The following KCNC2 variants were observed in gnomAD, a reference collection of about 807,000 sequenced individuals.
KCNC2 encodes the protein potassium voltage-gated channel subfamily C member 2.
KCNC2 carries 21 observed loss-of-function variants against 44.5 expected under a neutral mutation model. That is an observed-to-expected ratio of 0.47 (90% CI 0.33 to 0.68). KCNC2 has a LOEUF of 0.68. Ranked by LOEUF, KCNC2 falls within the 30% of genes least tolerant of loss-of-function variation. The probability of loss-of-function intolerance (pLI) is 0.01; values close to 1 mark genes in which losing one functional copy is unlikely to be tolerated. For synonymous variants in KCNC2, 391 were observed against 339.1 expected, an observed-to-expected ratio of 1.15 and a Z score of -1.68; for missense variants, 589 against 826.2, an observed-to-expected ratio of 0.71 and a Z score of 3.52.
chr12:75,105,504 C>G (rs190624138), intron 2 of KCNC2, among the ~76,000 whole-genome samples: 96 of 152,056 alleles, frequency 6.3e-4, no homozygotes, highest in African/African-American at 2.2e-3. Flanking sequence ...ATTAAGAGGA[C>G]AAAGGTGAAG....
In KCNC2 at chr12:75,046,481, G is replaced by A. The variant is rs147196810; in HGVS notation, c.1780+1672C>T. Among the ~76,000 whole-genome samples, 1,277 of 151,746 alleles carry A rather than the reference G, an allele frequency of 8.4e-3. 19 individuals are homozygous for A. The highest frequency in any genetic ancestry group is 0.029 in the African/African-American group (1,211 of 41,482). Reference sequence around the variant, plus strand: ...CATAATCTTAGTATAAATATTACATGTGATAATCTTATTGAATGCTGCTTA... The same window carrying A: ...CATAATCTTAGTATAAATATTACATATGATAATCTTATTGAATGCTGCTTA... On this transcript the variant is annotated intron_variant, in intron 4 of 4. Transcript: ENST00000549446.
chr12:75,208,362 C>G (rs946431845), intron 1 of KCNC2, among the ~76,000 whole-genome samples: 1 of 151,840 alleles, frequency 6.6e-6, no homozygotes, highest in Admixed American at 6.6e-5. Context: ...CTCCCAGCCC[C>G]TAACCCCCTC....
At chr12:75,089,476 G>A (rs1592846746) in intron 2 of KCNC2, among the ~76,000 whole-genome samples, 1 of 151,606 alleles carries the variant, frequency 6.6e-6, no homozygotes, top group Admixed American at 6.6e-5. Context: ...AGTGAAACCG[G>A]TTAAATAAAA....
intron 2 of KCNC2, among the ~76,000 whole-genome samples, chr12:75,059,419 T>A (rs1384955022): frequency 6.6e-6 from 1 of 152,104 alleles, no homozygotes; most frequent in Non-Finnish European, 1.5e-5. Flanking sequence ...AGAGGCTACA[T>A]GACATGTGGT....
intron 2 of KCNC2, among the ~76,000 whole-genome samples, chr12:75,107,676 G>A (rs1017288719): frequency 4.6e-5 from 7 of 150,636 alleles, no homozygotes; most frequent in African/African-American, 1.5e-4. Context: ...GAGTTTAAAC[G>A]TCAAAAGAGT....
At chr12:75,060,259 T>A (rs1882175709) in intron 2 of KCNC2, among the ~76,000 whole-genome samples, 1 of 152,038 alleles carries the variant, frequency 6.6e-6, no homozygotes, top group Admixed American at 6.6e-5. Context: ...CTGTGGACTC[T>A]CAGACTCTAA....
chr12:75,165,724 G>A (rs12321175), intron 2 of KCNC2, among the ~76,000 whole-genome samples: 3,785 of 151,480 alleles, frequency 0.025, 173 homozygotes, highest in African/African-American at 0.085. Context: ...AGATTATTCA[G>A]TTAAGCCTAT....
intron 2 of KCNC2, among the ~76,000 whole-genome samples, chr12:75,106,731 G>A (rs1208852777): frequency 6.6e-6 from 1 of 152,106 alleles, no homozygotes; most frequent in Non-Finnish European, 1.5e-5. Flanking sequence ...CAAGCATAAA[G>A]CCAGGGCTAT....
At chr12:75,173,298 G>C (rs1891956689) in intron 2 of KCNC2, among the ~76,000 whole-genome samples, 1 of 151,842 alleles carries the variant, frequency 6.6e-6, no homozygotes, top group Non-Finnish European at 1.5e-5. Context: ...TTCTATGTCT[G>C]ATATAGAGAT....
intron 2 of KCNC2, among the ~76,000 whole-genome samples, chr12:75,193,998 T>C (rs1412724951): frequency 6.6e-6 from 1 of 152,070 alleles, no homozygotes; most frequent in East Asian, 1.9e-4. Flanking sequence ...TCAGAAAGAT[T>C]CACAAAGACA....
At chr12:75,175,717 G>A (rs1892139030) in intron 2 of KCNC2, among the ~76,000 whole-genome samples, 1 of 152,046 alleles carries the variant, frequency 6.6e-6, no homozygotes, top group Admixed American at 6.6e-5. Flanking sequence ...AACACATGTA[G>A]TAAAAGCAGG....
chr12:75,061,375 A>G (rs1477424490), intron 2 of KCNC2, among the ~76,000 whole-genome samples: 1 of 152,080 alleles, frequency 6.6e-6, no homozygotes, highest in African/African-American at 2.4e-5. Flanking sequence ...ATGTAAAGGA[A>G]AGAGGATGCT....
chr12:75,134,192 C>T (rs1889061094), intron 2 of KCNC2, among the ~76,000 whole-genome samples: 1 of 151,520 alleles, frequency 6.6e-6, no homozygotes, highest in Admixed American at 6.6e-5. Context: ...ATATGTATAG[C>T]TAAAATTAGA....
At chr12:75,088,669 GC>G (rs926550916) in intron 2 of KCNC2, among the ~76,000 whole-genome samples, 2 of 150,592 alleles carry the variant, frequency 1.3e-5, no homozygotes, top group Admixed American at 6.6e-5. Flanking sequence ...CCTCTTCCCT[GC>G]CTCTTCCCTG....
intron 2 of KCNC2, among the ~76,000 whole-genome samples, chr12:75,102,984 C>T (rs1039046348): frequency 1.3e-5 from 2 of 151,978 alleles, no homozygotes; most frequent in African/African-American, 4.8e-5. Context: ...CAGGTTTTCA[C>T]AGTAGGAGAA....
chr12:75,171,474 T>C (rs1891815135), intron 2 of KCNC2, among the ~76,000 whole-genome samples: 1 of 151,878 alleles, frequency 6.6e-6, no homozygotes, highest in Non-Finnish European at 1.5e-5. Context: ...AGGATAAGAA[T>C]AAATGTATGT....
At chr12:75,088,711 G>A (rs1885228295) in intron 2 of KCNC2, among the ~76,000 whole-genome samples, 1 of 151,940 alleles carries the variant, frequency 6.6e-6, no homozygotes, top group South Asian at 2.1e-4. Flanking sequence ...CCATACAAAA[G>A]TGATACCCTT....
intron 2 of KCNC2, among the ~76,000 whole-genome samples, chr12:75,151,097 C>T (rs1010183274): frequency 3.3e-5 from 5 of 151,884 alleles, no homozygotes; most frequent in African/African-American, 7.2e-5. Context: ...GATAACTGGA[C>T]GGGCTTGCAG....
rs759710616 is a variant in KCNC2 at position 75,146,284 on chromosome 12, G to A, written c.687+61013C>T. Among the ~76,000 whole-genome samples, 41 of 152,194 alleles carry A rather than the reference G, an allele frequency of 2.7e-4. 1 individual carries two copies. The highest frequency in any genetic ancestry group is 7.2e-4 in the Admixed American group (11 of 15,286). On this transcript the variant is annotated intron_variant, in intron 2 of 4. Transcript: ENST00000549446. ...CATCAGAGATAATCACTATCCTATA[G>A]TTGGTTTATTTCATTCCCATGAAGA... is the stretch of plus-strand genomic sequence containing the variant.
Sources: allele counts gnomAD v4.1 joint callset (sites outside exome capture counted in the v4.1 genomes callset), GRCh38; gene constraint gnomAD v4.1.1; transcripts MANE v1.5; gene names NCBI Gene and HGNC (gene_info 2026-07-23, HGNC 2026-07-21).